LRRTM4: variants seen among roughly 807,000 people sequenced by gnomAD.
The protein encoded by LRRTM4 is leucine rich repeat transmembrane neuronal 4.
Under a neutral mutation model 47.6 loss-of-function variants are expected in LRRTM4, and 25 were observed. That is an observed-to-expected ratio of 0.53 (90% confidence interval 0.38 to 0.73). The LOEUF (loss-of-function observed/expected upper bound fraction) is 0.73, where lower values mean the gene tolerates loss of function less well. Ranked by LOEUF, LRRTM4 falls within the 30% of genes least tolerant of loss-of-function variation. The pLI, the probability that LRRTM4 is intolerant of heterozygous loss-of-function variation, is 0.00. For synonymous variants in LRRTM4, 311 were observed against 269.5 expected (o/e 1.15, Z -1.51); for missense variants, 638 against 713.4 (o/e 0.89, Z 1.20).
At chr2:77,451,276 A>C (rs919924103) in intron 3 of LRRTM4, among the ~76,000 whole-genome samples, 4 of 152,188 alleles carry the variant, frequency 2.6e-5, no homozygotes, top group African/African-American at 9.6e-5. Flanking sequence ...GGGTTTAAAA[A>C]TTGCATGTTA....
At chr2:76,749,298 A>C (rs142560461) in intron 3 of LRRTM4, among the ~76,000 whole-genome samples, 375 of 152,298 alleles carry the variant, frequency 2.5e-3, no homozygotes, top group African/African-American at 8.7e-3. Flanking sequence ...TAATACGGCA[A>C]GATATGGTAC....
At chr2:77,087,964 T>C (rs557407907) in intron 3 of LRRTM4, among the ~76,000 whole-genome samples, 101 of 152,258 alleles carry the variant, frequency 6.6e-4, no homozygotes, top group South Asian at 8.3e-4. Flanking sequence ...TATCCCTTTA[T>C]TGTTGAGTGC....
intron 3 of LRRTM4, among the ~76,000 whole-genome samples, chr2:77,056,770 T>C (rs1479510415): frequency 6.6e-6 from 1 of 152,172 alleles, no homozygotes; most frequent in Non-Finnish European, 1.5e-5. Context: ...CTTTTTTCCT[T>C]CCTCAAAAAA....
chr2:77,069,401 ATGTGTGTGTGTGTGTGTGTGTG>A (rs3058064), intron 3 of LRRTM4, among the ~76,000 whole-genome samples: 31 of 141,574 alleles, frequency 2.2e-4, no homozygotes, highest in African/African-American at 7.8e-4. Context: ...ACATTTCACT[ATGTGTGTGTGTGTGTGTGTGTG>A]TGTGTGTGTG....
At chr2:76,826,531 T>C (rs982371107) in intron 3 of LRRTM4, among the ~76,000 whole-genome samples, 3 of 112,222 alleles carry the variant, frequency 2.7e-5, no homozygotes, top group African/African-American at 4.0e-5. Context: ...AATTGCTACA[T>C]AGAAAAAATA....
intron 3 of LRRTM4, among the ~76,000 whole-genome samples, chr2:77,035,212 TC>T (rs972012262): frequency 2.7e-5 from 4 of 150,806 alleles, no homozygotes; most frequent in Non-Finnish European, 5.9e-5. Context: ...TCCCTCCCCT[TC>T]CCCCCACCCC....
rs1445899619 is a variant in LRRTM4 at position 76,789,703 on chromosome 2, AG to A, written c.1552-40788del. Among the ~76,000 whole-genome samples the A allele has an allele frequency of 2.0e-5, 3 of 152,204 alleles. No individual in the cohort carries two copies. In the East Asian group the frequency reaches 5.8e-4, roughly 29 times the overall value. On this transcript the variant is annotated intron_variant, in intron 3 of 3. Transcript: ENST00000409884. ...ATGGAAAGACTCTGTATCATGAGGG[AG>A]GAGTGTTAATCTGGAATAACCAAAT...
chr2:77,253,263 T>C (rs564401047), intron 3 of LRRTM4, among the ~76,000 whole-genome samples: 1 of 152,312 alleles, frequency 6.6e-6, no homozygotes, highest in East Asian at 1.9e-4. Flanking sequence ...CTTTTATTCA[T>C]ACTTTAGGGT....
intron 3 of LRRTM4, among the ~76,000 whole-genome samples, chr2:77,266,467 AAAG>A (rs1279898418): frequency 1.3e-5 from 2 of 152,174 alleles, no homozygotes; most frequent in Non-Finnish European, 2.9e-5. Context: ...ATTAGAAAAT[AAAG>A]AAGAAGAACA....
At chr2:77,322,755 T>G (rs185855944) in intron 3 of LRRTM4, among the ~76,000 whole-genome samples, 6 of 149,928 alleles carry the variant, frequency 4.0e-5, no homozygotes, top group Admixed American at 2.7e-4. Flanking sequence ...ACTTTAAAAA[T>G]CTATTTGATT....
At chr2:77,424,712 T>C (rs1019131540) in intron 3 of LRRTM4, among the ~76,000 whole-genome samples, 3 of 152,298 alleles carry the variant, frequency 2.0e-5, no homozygotes, top group Admixed American at 6.5e-5. Flanking sequence ...CTTGAGGTTA[T>C]TTAACTAAAA....
At chr2:76,963,208 A>G (rs1369984586) in intron 3 of LRRTM4, among the ~76,000 whole-genome samples, 1 of 150,972 alleles carries the variant, frequency 6.6e-6, no homozygotes, top group Non-Finnish European at 1.5e-5. Context: ...TGATTACTAA[A>G]AAAGTAAAAG....
intron 3 of LRRTM4, among the ~76,000 whole-genome samples, chr2:77,423,007 C>T (rs1404344330): frequency 6.6e-6 from 1 of 151,844 alleles, no homozygotes; most frequent in Non-Finnish European, 1.5e-5. Context: ...TGACACAAAC[C>T]TTAGGATTAC....
chr2:77,081,247 A>AAC (rs58897041), intron 3 of LRRTM4, among the ~76,000 whole-genome samples: 47,442 of 139,530 alleles, frequency 0.34, 9,129 homozygotes, highest in Non-Finnish European at 0.46. Context: ...ACCTGACAGC[A>AAC]ACACACACAC....
chr2:76,806,785 C>T (rs1675989962), intron 3 of LRRTM4, among the ~76,000 whole-genome samples: 1 of 151,866 alleles, frequency 6.6e-6, no homozygotes, highest in Non-Finnish European at 1.5e-5. Context: ...AATCTACCAG[C>T]TTATATGTAT....
At chr2:77,220,254 G>GA (rs1189513467) in intron 3 of LRRTM4, among the ~76,000 whole-genome samples, 2 of 152,158 alleles carry the variant, frequency 1.3e-5, no homozygotes, top group East Asian at 3.9e-4. Flanking sequence ...CAAAGATGGG[G>GA]AAAAAACAGA....
chr2:76,749,688 T>C (rs1216792304), intron 3 of LRRTM4, among the ~76,000 whole-genome samples: 1 of 152,206 alleles, frequency 6.6e-6, no homozygotes, highest in African/African-American at 2.4e-5. Context: ...TCATTTAATA[T>C]AAAAAGCAGA....
At chr2:77,481,418 C>A (rs956177829) in intron 3 of LRRTM4, among the ~76,000 whole-genome samples, 1 of 152,108 alleles carries the variant, frequency 6.6e-6, no homozygotes, top group Non-Finnish European at 1.5e-5. Flanking sequence ...ACATTAGTCT[C>A]CCCTGCTTAT....
intron 3 of LRRTM4, among the ~76,000 whole-genome samples, chr2:77,456,766 T>G (rs1676559700): frequency 1.3e-5 from 2 of 151,832 alleles, no homozygotes; most frequent in Non-Finnish European, 2.9e-5. Context: ...AGCCTGATCT[T>G]ATCTTATTCT....
Sources: gnomAD v4.1 joint callset for allele counts (sites outside exome capture counted in the v4.1 genomes callset) on GRCh38, gnomAD v4.1.1 for gene constraint, MANE v1.5 for transcripts, NCBI Gene and HGNC (gene_info 2026-07-23, HGNC 2026-07-21) for gene names.